The following NAV2 variants were observed in gnomAD, a reference collection of about 807,000 sequenced individuals.
NAV2 encodes helicase, APC down-regulated 1.
NAV2 carries 54 observed loss-of-function variants against 223.2 expected under a neutral mutation model. That is an observed-to-expected ratio of 0.24 (90% CI 0.19 to 0.30). The LOEUF is 0.30. NAV2 is among the 10% of genes least tolerant of loss of function. NAV2 has a pLI of 1.00. For missense variants in NAV2, 2,806 were observed against 3,147.5 expected (o/e 0.89, Z 2.60); for synonymous variants, 1,279 against 1,239.3 (o/e 1.03, Z -0.67).
At chr11:19,757,306 G>A (rs901881552) in intron 1 of NAV2, among the ~76,000 whole-genome samples, 1 of 152,096 alleles carries the variant, frequency 6.6e-6, no homozygotes, top group East Asian at 1.9e-4. Context: ...CAACGCGTGT[G>A]TGGAGGCCTA....
intron 1 of NAV2, among the ~76,000 whole-genome samples, chr11:19,377,006 G>A (rs929481376): frequency 1.8e-4 from 28 of 152,212 alleles, no homozygotes; most frequent in African/African-American, 6.8e-4. Context: ...CATTCCCAGT[G>A]AAGGAACTTT....
intron 1 of NAV2, among the ~76,000 whole-genome samples, chr11:19,672,916 A>G (rs1321096168): frequency 4.6e-5 from 7 of 152,176 alleles, no homozygotes; most frequent in Non-Finnish European, 1.5e-5. Context: ...GGGGCAGAAT[A>G]TAGATTTGTA....
chr11:19,616,340 G>A (rs1413840009), intron 1 of NAV2, among the ~76,000 whole-genome samples: 19 of 150,676 alleles, frequency 1.3e-4, no homozygotes, highest in African/African-American at 4.6e-4. Flanking sequence ...GTGTGTGCGC[G>A]CGCATGATCT....
chr11:20,012,679 A>AAAAC (rs1276224738), intron 11 of NAV2, among the ~76,000 whole-genome samples: 356 of 3,036 alleles, frequency 0.12, 3 homozygotes, highest in African/African-American at 0.13. Context: ...CATCTCAAAA[A>AAAAC]AAAAAAAAAA....
chr11:19,828,389 G>A (rs978864880), intron 1 of NAV2, among the ~76,000 whole-genome samples: 3 of 151,920 alleles, frequency 2.0e-5, no homozygotes, highest in Non-Finnish European at 2.9e-5. Flanking sequence ...ATTCTACTTC[G>A]TCTCTATGAA....
At chr11:19,989,899 T>C (rs10741807) in intron 11 of NAV2, among the ~76,000 whole-genome samples, 105,891 of 151,978 alleles carry the variant, frequency 0.7, 37,839 homozygotes, top group Middle Eastern at 0.81. Context: ...GGGAGCTCTC[T>C]TTGTAGAGAT....
At chr11:20,112,048 C>T (rs1239369537) in intron 36 of NAV2, among the ~76,000 whole-genome samples, 4 of 152,188 alleles carry the variant, frequency 2.6e-5, no homozygotes, top group Non-Finnish European at 4.4e-5. Flanking sequence ...GGGTTTGGTT[C>T]AGCCTCATGT....
chr11:19,810,798 T>C (rs984159212), intron 1 of NAV2, among the ~76,000 whole-genome samples: 9 of 152,076 alleles, frequency 5.9e-5, no homozygotes, highest in African/African-American at 1.7e-4. Flanking sequence ...TTGGCATCTG[T>C]ATTTTAATAA....
chr11:20,003,182 G>A (rs982516493), intron 11 of NAV2, among the ~76,000 whole-genome samples: 1 of 152,202 alleles, frequency 6.6e-6, no homozygotes, highest in African/African-American at 2.4e-5. Flanking sequence ...AGTGGAAAAT[G>A]ACAAGTACCT....
chr11:19,511,090 CT>C (rs2043264923), intron 1 of NAV2: 1 of 152,208 alleles, frequency 6.6e-6, no homozygotes, highest in Non-Finnish European at 1.5e-5. Context: ...GTTCAAGGGA[CT>C]CATCAGGATC....
At chr11:19,962,794 C>T (rs1469566144) in intron 10 of NAV2, among the ~76,000 whole-genome samples, 1 of 152,132 alleles carries the variant, frequency 6.6e-6, no homozygotes, top group Non-Finnish European at 1.5e-5. Flanking sequence ...AGGAGAGGCC[C>T]CAAGTTTGTC....
At chr11:19,669,877 G>T (rs563281413) in intron 1 of NAV2, among the ~76,000 whole-genome samples, 3 of 152,332 alleles carry the variant, frequency 2.0e-5, no homozygotes, top group Non-Finnish European at 2.9e-5. Flanking sequence ...GATGCCCAGT[G>T]GGTCAGATTT....
chr11:19,521,776 T>C (rs887894926), intron 1 of NAV2, among the ~76,000 whole-genome samples: 3 of 152,176 alleles, frequency 2.0e-5, no homozygotes, highest in African/African-American at 7.2e-5. Context: ...AGGGAATAAG[T>C]AACGTGCCAA....
In NAV2 at chr11:19,941,504, G is replaced by A. The variant is rs558187833; in HGVS notation, c.2146+1731G>A. On this transcript the variant is annotated intron_variant, in intron 8 of 37. Coordinates refer to ENST00000349880, the MANE Select transcript of NAV2 (RefSeq NM_145117.5). ...CCACAGCCAATCCTTTGAAATGACAGTGCATGGTAGGACTATTTAGAAATG... is the reference window on the plus strand; with the variant it reads ...CCACAGCCAATCCTTTGAAATGACAATGCATGGTAGGACTATTTAGAAATG... Among the ~76,000 whole-genome samples, 3 of 131,632 alleles carry A rather than the reference G, an allele frequency of 2.3e-5. No homozygotes were observed. The South Asian group carries it at 7.3e-4, about 32-fold the overall frequency. 86.4% of individuals were successfully genotyped at this position (131,632 alleles called of 152,430 possible).
At chr11:19,415,331 A>G (rs1850320765) in intron 1 of NAV2, among the ~76,000 whole-genome samples, 1 of 152,220 alleles carries the variant, frequency 6.6e-6, no homozygotes, top group Non-Finnish European at 1.5e-5. Context: ...ACGCAAATAA[A>G]CTGGAAAATC....
chr11:20,082,728 T>C, intron 25 of NAV2: 1 of 1,011,840 alleles, frequency 9.9e-7, no homozygotes, highest in Non-Finnish European at 1.5e-6. Flanking sequence ...CTTCCCAACA[T>C]CCATCTGCTG....
intron 1 of NAV2, among the ~76,000 whole-genome samples, chr11:19,596,019 GT>G (rs59999450): frequency 1.3e-5 from 2 of 149,896 alleles, no homozygotes; most frequent in African/African-American, 2.5e-5. Flanking sequence ...GAAATTTTCT[GT>G]TTTTTTTATT....
At chr11:19,956,036 C>T (rs564935483) in intron 10 of NAV2, among the ~76,000 whole-genome samples, 3 of 152,210 alleles carry the variant, frequency 2.0e-5, no homozygotes, top group South Asian at 2.1e-4. Flanking sequence ...TGGCTTTTGG[C>T]GCTCTTGGAA....
chr11:19,574,011 T>C (rs1325835065), intron 1 of NAV2, among the ~76,000 whole-genome samples: 2 of 152,174 alleles, frequency 1.3e-5, no homozygotes, highest in Non-Finnish European at 2.9e-5. Flanking sequence ...GCAACTTCCC[T>C]GGAGAGCTGG....
Sources: gnomAD v4.1 joint callset for allele counts (sites outside exome capture counted in the v4.1 genomes callset) on GRCh38, gnomAD v4.1.1 for gene constraint, MANE v1.5 for transcripts, NCBI Gene and HGNC (gene_info 2026-07-23, HGNC 2026-07-21) for gene names.